Variants in LRIG3 observed in about 807,000 individuals in gnomAD.
The protein encoded by LRIG3 is leucine-rich repeats and immunoglobulin-like domains protein 3.
A neutral mutation model predicts 114.5 loss-of-function variants in LRIG3; 76 were observed. The ratio of observed to expected loss-of-function variants is 0.66; its 90% CI spans 0.55 to 0.80. The LOEUF (loss-of-function observed/expected upper bound fraction) is 0.80. Among genes scored for constraint, LRIG3 ranks in the 30% least tolerant of loss-of-function variants. LRIG3 has a pLI of 0.00. For missense variants in LRIG3, 1,239 were observed against 1,382.8 expected (o/e 0.90, Z 1.65); for synonymous variants, 512 against 519.8 (o/e 0.98, Z 0.20).
Position 58,877,588 on chromosome 12 carries a change from C to T in LRIG3, c.2348G>A (p.Ser783Asn). 1 of 1,614,222 alleles carries T rather than the reference C, an allele frequency of 6.2e-7. No homozygotes were observed. The highest frequency in any genetic ancestry group is 8.5e-7 in the Non-Finnish European group (1 of 1,180,044). ...GTCGCAGGTTGGAGTGGGGATCACA[C>T]TGAGGCGCACGTTTCCTCTCTCAGT... ...LGTERGNVRLSVIPTPTCDSP... is the reference protein window; with the variant it reads ...LGTERGNVRLNVIPTPTCDSP... The change falls in exon 15 of 19, where the codon AGT (serine) becomes AAT (asparagine). Residue 783 changes from serine to asparagine, a missense_variant. By Grantham distance (46) the Ser-to-Asn change is conservative. Transcript: ENST00000320743.
chr12:58,916,487 G>A (rs1343656324), intron 1 of LRIG3, among the ~76,000 whole-genome samples: 1 of 152,176 alleles, frequency 6.6e-6, no homozygotes, highest in African/African-American at 2.4e-5. Flanking sequence ...TTCCAGTTAA[G>A]GGATGTCACA....
In LRIG3 at chr12:58,874,077, A is replaced by G; in HGVS notation, c.3093T>C (p.Val1031=). ...TACCCATGAAAGAATTACTCGAGGC[A>G]ACCGACGCTGGCTCTGGATTTGCAC... is the stretch of plus-strand genomic sequence containing the variant. ...DFSANPEPAS[V]ASSNSFMGTF... is the part of the protein sequence containing the mutation. Residue 1031 remains valine (V), a synonymous_variant, in exon 18 of 19, where the codon GTT becomes GTC. Transcript: ENST00000320743. 6.2e-7 allele frequency: 1 copy of G among 1,613,260 alleles called. No homozygotes were observed.
chr12:58,872,944 T>C (rs866691796), intron 18 of LRIG3, 128 bp from the exon 19 acceptor site: 5 of 1,264,322 alleles, frequency 4.0e-6, no homozygotes, highest in Middle Eastern at 4.0e-4. Flanking sequence ...GTCCACATTA[T>C]GGCACTCACA....
At chr12:58,890,239 TC>T (rs1481622243) in intron 4 of LRIG3, 100 bp from the exon 5 acceptor site, 1 of 1,234,542 alleles carries the variant, frequency 8.1e-7, no homozygotes. Context: ...AACTTAACCA[TC>T]AATGGAAACT....
At chr12:58,878,160 A>G (rs1337762716) in intron 14 of LRIG3, among the ~76,000 whole-genome samples, 2 of 152,124 alleles carry the variant, frequency 1.3e-5, no homozygotes, top group Non-Finnish European at 2.9e-5. Context: ...TTAAAAATAG[A>G]AAGTACAAAA....
At chr12:58,887,005 CCT>C in intron 8 of LRIG3, 115 bp from the exon 9 acceptor site, 1 of 658,106 alleles carries the variant, frequency 1.5e-6, no homozygotes, top group Non-Finnish European at 2.6e-6. Flanking sequence ...ATTATCTCCA[CCT>C]CTCTCAAAAT....
chr12:58,892,776 A>G (rs923408018), intron 3 of LRIG3, among the ~76,000 whole-genome samples: 1 of 152,234 alleles, frequency 6.6e-6, no homozygotes, highest in Non-Finnish European at 1.5e-5. Flanking sequence ...ACATCTTAAA[A>G]TTAGGGCTTT....
rs1871108241 is a variant in LRIG3, at chr12:58,880,915, A to G, written c.1481-14T>C. ...TGGGAAAATCATCTGTTAAAAATGGAGAGGAGGAGACAAAACAATGTTAAG... is the reference window on the plus strand; with the variant it reads ...TGGGAAAATCATCTGTTAAAAATGGGGAGGAGGAGACAAAACAATGTTAAG... On this transcript the variant is annotated splice_polypyrimidine_tract_variant and intron_variant, in intron 12 of 18. Transcript: ENST00000320743. 6.2e-7 allele frequency: 1 copy of G among 1,605,426 alleles called. No individual in the cohort carries two copies.
At chr12:58,900,933 T>G (rs894499103) in intron 3 of LRIG3, among the ~76,000 whole-genome samples, 10 of 152,198 alleles carry the variant, frequency 6.6e-5, no homozygotes, top group African/African-American at 2.4e-4. Flanking sequence ...GGCATTAACC[T>G]TTAGGGAAGC....
Position 58,874,203 on chromosome 12 carries a change from C to T in LRIG3, c.2967G>A (p.Ser989=), listed in dbSNP as rs200480864. The T allele has an allele frequency of 4.0e-5, 64 of 1,614,026 alleles. No homozygotes were observed. The Middle Eastern group carries it at 4.9e-4, about 12-fold the overall frequency. The change falls in exon 18 of 19, where the codon TCG becomes TCA. Residue 989 remains serine (S), a synonymous_variant. Coordinates refer to ENST00000320743, the MANE Select transcript of LRIG3 (RefSeq NM_153377.5). ...GTAGCTTCCTCACATGTGAAGGCCA[C>T]GATATATTACTGAAGCTCCGTTCGC... ...ESCERSFSNI[S]WPSHVRKLLN... is the part of the protein sequence containing the mutation.
At chr12:58,883,113 C>T in intron 11 of LRIG3, 81 bp from the exon 12 acceptor site, 1 of 1,386,668 alleles carries the variant, frequency 7.2e-7, no homozygotes, top group South Asian at 1.4e-5. Context: ...TAAATATTAA[C>T]AAAGCAATGA....
chr12:58,920,395 G>A lies in LRIG3; in HGVS notation c.-160C>T, dbSNP rs1872632164. The A allele has an allele frequency of 2.0e-6, 1 of 493,052 alleles. No homozygotes were observed. Among genetic ancestry groups the A allele is most frequent in the African/African-American group, 2.0e-5 (1 of 49,512 alleles). 30.5% of individuals were successfully genotyped at this position (493,052 alleles called of 1,614,324 possible). On this transcript the variant is annotated 5_prime_UTR_variant, in exon 1 of 19. Transcript: ENST00000320743. Reference sequence around the variant, plus strand: ...AATTCCTTCTTTTACTCCCGGCGGCGAAGCCCTTTCATGCCCCCAAACAGC... The same window carrying A: ...AATTCCTTCTTTTACTCCCGGCGGCAAAGCCCTTTCATGCCCCCAAACAGC...
At chr12:58,915,515 C>T (rs1222163311) in intron 1 of LRIG3, among the ~76,000 whole-genome samples, 1 of 151,954 alleles carries the variant, frequency 6.6e-6, no homozygotes, top group Non-Finnish European at 1.5e-5. Context: ...CTTTGAGTTT[C>T]TGTTTTGAGA....
chr12:58,906,975 A>G (rs562492416), intron 3 of LRIG3, among the ~76,000 whole-genome samples: 9 of 151,970 alleles, frequency 5.9e-5, no homozygotes, highest in Non-Finnish European at 1.2e-4. Flanking sequence ...AAAGTCTTCA[A>G]TGAAGACTCC....
chr12:58,903,120 G>T (rs1407829991), intron 3 of LRIG3, among the ~76,000 whole-genome samples: 1 of 152,114 alleles, frequency 6.6e-6, no homozygotes, highest in African/African-American at 2.4e-5. Context: ...GGTATTTCTA[G>T]TTCTAGATCC....
At chr12:58,898,491 T>C (rs1223931872) in intron 3 of LRIG3, among the ~76,000 whole-genome samples, 1 of 152,190 alleles carries the variant, frequency 6.6e-6, no homozygotes. Context: ...GGAGCCCCAT[T>C]ACCTGGCTGT....
chr12:58,904,840 C>A (rs1257331288), intron 3 of LRIG3, among the ~76,000 whole-genome samples: 3 of 152,092 alleles, frequency 2.0e-5, no homozygotes, highest in Non-Finnish European at 4.4e-5. Flanking sequence ...ATGATCTCAG[C>A]TGCTGTAAAA....
At chr12:58,886,167 C>A (rs1871270643) in intron 9 of LRIG3, among the ~76,000 whole-genome samples, 1 of 151,934 alleles carries the variant, frequency 6.6e-6, no homozygotes, top group Non-Finnish European at 1.5e-5. Context: ...TTTTCAGAGT[C>A]CTTTTAGGAA....
chr12:58,878,686 A>G, intron 14 of LRIG3, 138 bp downstream of exon 14: 1 of 1,039,264 alleles, frequency 9.6e-7, no homozygotes, highest in Non-Finnish European at 1.4e-6. Flanking sequence ...GGCCATTTGC[A>G]TTAATACTTT....
Sources: gnomAD v4.1 joint callset for allele counts (sites outside exome capture counted in the v4.1 genomes callset) on GRCh38, gnomAD v4.1.1 for gene constraint, MANE v1.5 for transcripts, NCBI Gene and HGNC (gene_info 2026-07-23, HGNC 2026-07-21) for gene names.